ZNF827: variants seen among roughly 807,000 people sequenced by gnomAD.
ZNF827 encodes the protein zinc finger protein 827.
In ZNF827, 13 loss-of-function variants were observed where a neutral mutation model predicts 102.4. The observed-to-expected ratio is 0.13, with a 90% CI of 0.08 to 0.20. The LOEUF is 0.20. Among genes scored for constraint, ZNF827 ranks in the 10% least tolerant of loss-of-function variants. The pLI, the probability that ZNF827 is intolerant of heterozygous loss-of-function variation, is 1.00. For missense variants in ZNF827, 1,103 were observed against 1,344.4 expected, an observed-to-expected ratio of 0.82 and a Z score of 2.81; for synonymous variants, 523 against 536.2, an observed-to-expected ratio of 0.98 and a Z score of 0.34.
chr4:145,884,882 A>G (rs979352083), intron 4 of ZNF827, among the ~76,000 whole-genome samples: 2 of 152,146 alleles, frequency 1.3e-5, no homozygotes, highest in African/African-American at 4.8e-5. Flanking sequence ...TGTGTTTTTA[A>G]ATTCCACTTT....
intron 8 of ZNF827, among the ~76,000 whole-genome samples, chr4:145,815,689 C>T (rs772531807): frequency 6.6e-6 from 1 of 152,182 alleles, no homozygotes; most frequent in Non-Finnish European, 1.5e-5. Context: ...AATGGAAGAA[C>T]ATATTGTATA....
At chr4:145,770,692 G>A (rs180897856) in intron 11 of ZNF827, among the ~76,000 whole-genome samples, 1 of 152,076 alleles carries the variant, frequency 6.6e-6, no homozygotes, top group African/African-American at 2.4e-5. Flanking sequence ...GAAAATATTT[G>A]CATTGTTTTA....
chr4:145,894,242 A>G (rs1750812596), intron 2 of ZNF827, among the ~76,000 whole-genome samples: 1 of 152,216 alleles, frequency 6.6e-6, no homozygotes, highest in Non-Finnish European at 1.5e-5. Context: ...GCATGAATAA[A>G]TGGAACAAAC....
chr4:145,820,421 GA>G (rs1355673455), intron 8 of ZNF827, among the ~76,000 whole-genome samples: 2 of 152,186 alleles, frequency 1.3e-5, no homozygotes, highest in African/African-American at 4.8e-5. Flanking sequence ...GCTGAACAAA[GA>G]CGTTTGCTAA....
intron 1 of ZNF827, chr4:145,907,177 A>C: frequency 2.2e-6 from 1 of 456,602 alleles, no homozygotes; most frequent in Non-Finnish European, 4.4e-6. Flanking sequence ...GTGTTCACAA[A>C]ACAGCAAGGA....
chr4:145,821,773 G>T (rs1334059560), intron 8 of ZNF827, among the ~76,000 whole-genome samples: 1 of 152,078 alleles, frequency 6.6e-6, no homozygotes, highest in Non-Finnish European at 1.5e-5. Context: ...AATGTCTAAC[G>T]TAAGTTTATC....
intron 5 of ZNF827, among the ~76,000 whole-genome samples, chr4:145,866,094 C>T (rs1388034110): frequency 6.6e-6 from 1 of 152,128 alleles, no homozygotes; most frequent in African/African-American, 2.4e-5. Flanking sequence ...TCCATATGGG[C>T]CTCCAGCCTC....
rs1269056026 is a variant in ZNF827 at position 145,910,521 on chromosome 4, A to C, written c.44-7306T>G. On this transcript the variant is annotated intron_variant, in intron 1 of 14. Coordinates refer to ENST00000508784, the MANE Select transcript of ZNF827 (RefSeq NM_001306215.2). ...GTTCTACCTTCAACAGAGGTACCAAATCTGGCCACTTTGCACCATTTCCAC... is the reference window on the plus strand; with the variant it reads ...GTTCTACCTTCAACAGAGGTACCAACTCTGGCCACTTTGCACCATTTCCAC... 2.6e-5 allele frequency among the ~76,000 whole-genome samples: 4 copies of C among 152,224 alleles called. No homozygotes were observed. In the East Asian group the frequency reaches 7.7e-4, roughly 29 times the overall value.
At chr4:145,814,561 G>A (rs1018903079) in intron 8 of ZNF827, among the ~76,000 whole-genome samples, 2 of 151,722 alleles carry the variant, frequency 1.3e-5, no homozygotes, top group African/African-American at 2.4e-5. Context: ...CCTTTGCTTG[G>A]CTCATTTTTC....
At chr4:145,919,314 A>G (rs1752899135) in intron 1 of ZNF827, among the ~76,000 whole-genome samples, 1 of 152,212 alleles carries the variant, frequency 6.6e-6, no homozygotes, top group African/African-American at 2.4e-5. Flanking sequence ...CAAAAACAAG[A>G]AAGATCTTAT....
chr4:145,856,001 T>A (rs149080933), intron 5 of ZNF827, among the ~76,000 whole-genome samples: 150 of 152,220 alleles, frequency 9.9e-4, no homozygotes, highest in African/African-American at 3.4e-3. Flanking sequence ...AGCTTTATTT[T>A]TTTTTTTTTT....
intron 4 of ZNF827, among the ~76,000 whole-genome samples, chr4:145,876,263 G>T (rs989907186): frequency 6.6e-6 from 1 of 152,214 alleles, no homozygotes. Context: ...GGGAGCAGTT[G>T]GGGGTGGGGG....
At chr4:145,873,580 G>A (rs190540033) in intron 4 of ZNF827, among the ~76,000 whole-genome samples, 3 of 152,318 alleles carry the variant, frequency 2.0e-5, no homozygotes, top group African/African-American at 7.2e-5. Flanking sequence ...AAATCTCAAG[G>A]AAAGTGCTTA....
intron 6 of ZNF827, among the ~76,000 whole-genome samples, chr4:145,846,410 G>A (rs28484966): frequency 0.26 from 38,920 of 149,980 alleles, 4,664 homozygotes; most frequent in African/African-American, 0.27. Context: ...CCCGGGAGGC[G>A]GAGCTTGCAG....
At chr4:145,840,090 AAAAC>A (rs1745266901) in intron 7 of ZNF827, among the ~76,000 whole-genome samples, 1 of 152,252 alleles carries the variant, frequency 6.6e-6, no homozygotes, top group African/African-American at 2.4e-5. Flanking sequence ...ATGGGAAGGA[AAAAC>A]AAATCCAAAT....
chr4:145,880,563 G>A (rs1390406816), intron 4 of ZNF827, among the ~76,000 whole-genome samples: 1 of 152,152 alleles, frequency 6.6e-6, no homozygotes, highest in African/African-American at 2.4e-5. Flanking sequence ...TGTCTCATGA[G>A]TGGCAAGTCA....
chr4:145,911,028 A>C (rs1752246440), intron 1 of ZNF827, among the ~76,000 whole-genome samples: 1 of 152,256 alleles, frequency 6.6e-6, no homozygotes, highest in Admixed American at 6.5e-5. Context: ...AAATGGAAGA[A>C]TAGGCTGAAC....
intron 5 of ZNF827, among the ~76,000 whole-genome samples, chr4:145,855,656 A>C (rs1304291399): frequency 1.3e-5 from 2 of 152,250 alleles, no homozygotes; most frequent in African/African-American, 2.4e-5. Context: ...TTGCTCAGAG[A>C]ATGGCTAAGC....
intron 5 of ZNF827, among the ~76,000 whole-genome samples, chr4:145,855,122 C>T (rs966644266): frequency 1.3e-5 from 2 of 152,160 alleles, no homozygotes; most frequent in African/African-American, 4.8e-5. Flanking sequence ...CAGATTACAA[C>T]AAAATATGAA....
Sources: gnomAD v4.1 joint callset for allele counts (sites outside exome capture counted in the v4.1 genomes callset) on GRCh38, gnomAD v4.1.1 for gene constraint, MANE v1.5 for transcripts, NCBI Gene and HGNC (gene_info 2026-07-23, HGNC 2026-07-21) for gene names.